Variants in SLC35F4 observed in about 807,000 individuals in gnomAD.
SLC35F4 encodes the protein solute carrier family 35 member F4, also known as chromosome 14 open reading frame 36.
Under a neutral mutation model 44.2 loss-of-function variants are expected in SLC35F4, and 24 were observed. The ratio of observed to expected loss-of-function variants is 0.54; its 90% CI spans 0.39 to 0.76. SLC35F4 has a LOEUF of 0.76. Ranked by LOEUF, SLC35F4 falls within the 30% of genes least tolerant of loss-of-function variation. The pLI is 0.00. For synonymous variants in SLC35F4, 238 were observed against 223.6 expected (o/e 1.06, Z -0.57); for missense variants, 562 against 586.1 (o/e 0.96, Z 0.42).
At chr14:57,845,729 A>G (rs1272964040) in intron 1 of SLC35F4, among the ~76,000 whole-genome samples, 1 of 151,740 alleles carries the variant, frequency 6.6e-6, no homozygotes, top group African/African-American at 2.4e-5. Flanking sequence ...TCTTTACATC[A>G]AGTGTAAATA....
intron 1 of SLC35F4, chr14:57,630,595 C>A: frequency 3.4e-6 from 3 of 884,082 alleles, no homozygotes; most frequent in South Asian, 2.6e-5. Flanking sequence ...AAAAAAGAAC[C>A]ACCTAGATCC....
intron 1 of SLC35F4, among the ~76,000 whole-genome samples, chr14:57,910,448 C>T (rs1889195673): frequency 6.6e-6 from 1 of 151,902 alleles, no homozygotes; most frequent in Non-Finnish European, 1.5e-5. Flanking sequence ...AGATTTAGTT[C>T]TATAATCTAT....
rs140358826 is a variant in SLC35F4 at position 57,696,630 on chromosome 14, A to C, written c.104-102506T>G. 7.4e-3 allele frequency among the ~76,000 whole-genome samples: 1,133 copies of C among 152,370 alleles called. 8 individuals carry two copies. Among genetic ancestry groups the C allele is most frequent in the Non-Finnish European group, 0.013 (907 of 68,036 alleles). ...ACACATGCACATGTATGTTTACTGC[A>C]GCACGATTTACAATAGCAAAGACTT... On this transcript the variant is annotated intron_variant, in intron 1 of 7. Transcript: ENST00000556826.
At chr14:57,697,987 T>C (rs1566774153) in intron 1 of SLC35F4, among the ~76,000 whole-genome samples, 1 of 152,192 alleles carries the variant, frequency 6.6e-6, no homozygotes, top group South Asian at 2.1e-4. Flanking sequence ...GATTTCACCA[T>C]TTACCGGCTA....
chr14:57,736,560 T>C (rs937237627), intron 1 of SLC35F4, among the ~76,000 whole-genome samples: 2 of 152,148 alleles, frequency 1.3e-5, no homozygotes, highest in African/African-American at 4.8e-5. Context: ...TCTCCACATA[T>C]TCAACAGGCC....
intron 1 of SLC35F4, among the ~76,000 whole-genome samples, chr14:57,628,057 A>G (rs1188502140): frequency 6.6e-6 from 1 of 152,018 alleles, no homozygotes; most frequent in Non-Finnish European, 1.5e-5. Context: ...CTTGATTCTT[A>G]TATAGAATTC....
At chr14:57,899,817 G>A (rs142840711) in intron 1 of SLC35F4, among the ~76,000 whole-genome samples, 1 of 152,156 alleles carries the variant, frequency 6.6e-6, no homozygotes, top group Admixed American at 6.5e-5. Flanking sequence ...CAAGAATGAA[G>A]CCGTGGACCT....
At chr14:57,710,678 G>T (rs1036222316) in intron 1 of SLC35F4, among the ~76,000 whole-genome samples, 6 of 152,162 alleles carry the variant, frequency 3.9e-5, no homozygotes, top group African/African-American at 1.4e-4. Flanking sequence ...ACCTGGATGT[G>T]ACATGGAATC....
intron 1 of SLC35F4, among the ~76,000 whole-genome samples, chr14:57,704,328 A>T (rs1739100939): frequency 1.3e-5 from 2 of 152,116 alleles, no homozygotes; most frequent in African/African-American, 4.8e-5. Flanking sequence ...TTCTGATAAT[A>T]CCTGTGTGGG....
At chr14:57,674,856 G>A (rs1432999680) in intron 1 of SLC35F4, among the ~76,000 whole-genome samples, 1 of 152,076 alleles carries the variant, frequency 6.6e-6, no homozygotes, top group Non-Finnish European at 1.5e-5. Flanking sequence ...CAGTGAAGAG[G>A]ATCCCTAAGC....
chr14:57,935,573 T>C (rs974064154), intron 1 of SLC35F4, among the ~76,000 whole-genome samples: 4 of 152,212 alleles, frequency 2.6e-5, no homozygotes, highest in African/African-American at 9.6e-5. Context: ...TGGCCCCTTC[T>C]AATATTATTC....
chr14:57,833,218 C>A (rs1177911855), intron 1 of SLC35F4, among the ~76,000 whole-genome samples: 6 of 152,178 alleles, frequency 3.9e-5, no homozygotes, highest in African/African-American at 1.4e-4. Context: ...AGACAGAATT[C>A]TCATATTCTT....
At chr14:57,957,082 C>G (rs1359296416) in intron 1 of SLC35F4, among the ~76,000 whole-genome samples, 3 of 152,178 alleles carry the variant, frequency 2.0e-5, no homozygotes, top group African/African-American at 7.2e-5. Flanking sequence ...AAACGTGGCA[C>G]ATATATACCA....
intron 1 of SLC35F4, among the ~76,000 whole-genome samples, chr14:57,698,388 A>C (rs1488632013): frequency 6.6e-6 from 1 of 152,206 alleles, no homozygotes; most frequent in Non-Finnish European, 1.5e-5. Context: ...CTATTTTGAA[A>C]GGTTCTTAAT....
chr14:57,974,622 G>T (rs997777664), downstream of SLC35F4, among the ~76,000 whole-genome samples: 4 of 152,120 alleles, frequency 2.6e-5, no homozygotes, highest in African/African-American at 7.2e-5. Flanking sequence ...CTTCAGAATG[G>T]GCAGTTACAG....
At chr14:57,913,135 T>C (rs1889249179) in intron 1 of SLC35F4, among the ~76,000 whole-genome samples, 1 of 152,224 alleles carries the variant, frequency 6.6e-6, no homozygotes, top group African/African-American at 2.4e-5. Context: ...TCAATCCCTT[T>C]CCTTTAACCT....
intron 1 of SLC35F4, among the ~76,000 whole-genome samples, chr14:57,672,438 A>G (rs1490160387): frequency 3.3e-5 from 5 of 152,258 alleles, no homozygotes; most frequent in Middle Eastern, 3.4e-3. Context: ...TTGTGCCATG[A>G]TGACATACAT....
chr14:57,682,408 A>G (rs1334265062), intron 1 of SLC35F4, among the ~76,000 whole-genome samples: 2 of 152,108 alleles, frequency 1.3e-5, no homozygotes, highest in East Asian at 3.8e-4. Flanking sequence ...AAAACCAAAC[A>G]CTGCATGTTC....
intron 6 of SLC35F4, among the ~76,000 whole-genome samples, chr14:57,567,893 C>T (rs981713659): frequency 6.6e-6 from 1 of 152,158 alleles, no homozygotes; most frequent in Non-Finnish European, 1.5e-5. Context: ...AGGAGTGAGG[C>T]AAAGTAAACA....
Sources: gnomAD v4.1 joint callset for allele counts (sites outside exome capture counted in the v4.1 genomes callset) on GRCh38, gnomAD v4.1.1 for gene constraint, MANE v1.5 for transcripts, NCBI Gene and HGNC (gene_info 2026-07-23, HGNC 2026-07-21) for gene names.